Variants in ALK observed in about 807,000 individuals in gnomAD.
ALK encodes the protein ALK tyrosine kinase receptor.
Under a neutral mutation model 163.1 loss-of-function variants are expected in ALK, and 74 were observed. The observed-to-expected ratio is 0.45, with a 90% CI of 0.38 to 0.55. The LOEUF (loss-of-function observed/expected upper bound fraction) is 0.55, where lower values mean the gene tolerates loss of function less well. ALK is among the 20% of genes least tolerant of loss of function. ALK has a pLI of 0.00. For synonymous variants in ALK, 960 were observed against 843.2 expected (o/e 1.14, Z -2.40); for missense variants, 2,063 against 2,105.3 (o/e 0.98, Z 0.39).
Position 29,920,309 on chromosome 2 carries a change from C to A in ALK, c.351G>T (p.Pro117=), listed in dbSNP as rs1049747209. The A allele has an allele frequency of 5.8e-6, 9 of 1,559,680 alleles. No individual in the cohort carries two copies. The highest frequency in any genetic ancestry group is 1.2e-5 in the South Asian group (1 of 85,646). Residue 117 remains proline, a synonymous_variant, in exon 1 of 29, where the codon CCG becomes CCT. Coordinates refer to ENST00000389048, the MANE Select transcript of ALK (RefSeq NM_004304.5). The stretch of plus-strand genomic sequence containing the variant: ...CCCTGGACAGCGTCCGGGCCTCTGC[C>A]GGGGCTGGTGAACCGGCGGTCCAGG... ...GVSWTAGSPA[P]AEARTLSRVL... is the part of the protein sequence containing the mutation.
chr2:29,212,513 G>A (rs1669492299), intron 24 of ALK, among the ~76,000 whole-genome samples: 1 of 152,200 alleles, frequency 6.6e-6, no homozygotes, highest in Non-Finnish European at 1.5e-5. Flanking sequence ...AGGGTTAGAA[G>A]CTGGAGGGAG....
At chr2:29,674,597 T>C (rs1270858908) in intron 3 of ALK, among the ~76,000 whole-genome samples, 1 of 151,416 alleles carries the variant, frequency 6.6e-6, no homozygotes. Context: ...TTGAGGATTT[T>C]TGCATCAATG....
At chr2:29,830,256 A>G (rs1349909824) in intron 1 of ALK, among the ~76,000 whole-genome samples, 1 of 152,238 alleles carries the variant, frequency 6.6e-6, no homozygotes, top group Non-Finnish European at 1.5e-5. Context: ...TTCCAATTGA[A>G]TTAATCATTG....
chr2:29,885,387 A>G (rs1039579981), intron 1 of ALK, among the ~76,000 whole-genome samples: 1 of 152,166 alleles, frequency 6.6e-6, no homozygotes, highest in Non-Finnish European at 1.5e-5. Context: ...GAACATCACG[A>G]AAGTCTGAAA....
intron 1 of ALK, among the ~76,000 whole-genome samples, chr2:29,753,455 T>A (rs1680430759): frequency 6.6e-6 from 1 of 152,186 alleles, no homozygotes; most frequent in Non-Finnish European, 1.5e-5. Context: ...CTTGATTGCC[T>A]GGCTTCCCCC....
chr2:29,717,137 A>C (rs1222972503), intron 2 of ALK, among the ~76,000 whole-genome samples: 2 of 138,404 alleles, frequency 1.4e-5, no homozygotes, highest in African/African-American at 5.3e-5. Flanking sequence ...GTGCCACTGC[A>C]CTCCAGCCTG....
intron 7 of ALK, among the ~76,000 whole-genome samples, chr2:29,318,676 C>A (rs1666910991): frequency 6.6e-6 from 1 of 151,874 alleles, no homozygotes; most frequent in South Asian, 2.1e-4. Context: ...ATGCCATTCT[C>A]CTGCCTCAGC....
intron 1 of ALK, among the ~76,000 whole-genome samples, chr2:29,906,941 T>TTTTTTTG (rs1667565798): frequency 5.8e-4 from 4 of 6,842 alleles, no homozygotes; most frequent in African/African-American, 8.8e-4. Context: ...TTTAAGGTTT[T>TTTTTTTG]TTTTTTTTTT....
intron 2 of ALK, among the ~76,000 whole-genome samples, chr2:29,707,632 T>C (rs974048146): frequency 1.3e-5 from 2 of 152,212 alleles, no homozygotes; most frequent in African/African-American, 4.8e-5. Context: ...AGTATAGTTG[T>C]ATAAATTTTG....
chr2:29,807,340 G>T (rs1664646480), intron 1 of ALK, among the ~76,000 whole-genome samples: 1 of 152,354 alleles, frequency 6.6e-6, no homozygotes, highest in Non-Finnish European at 1.5e-5. Context: ...ATAGCGGTGT[G>T]AGTCTTGTGC....
At chr2:29,371,532 C>A (rs1423050447) in intron 5 of ALK, among the ~76,000 whole-genome samples, 2 of 152,232 alleles carry the variant, frequency 1.3e-5, no homozygotes, top group Non-Finnish European at 2.9e-5. Context: ...CCCCACCTCA[C>A]CCTTCCCCAC....
At chr2:29,609,075 C>T (rs1324908677) in intron 3 of ALK, among the ~76,000 whole-genome samples, 1 of 152,134 alleles carries the variant, frequency 6.6e-6, no homozygotes, top group Non-Finnish European at 1.5e-5. Context: ...AGGCACACAC[C>T]ACCATGCCTG....
chr2:29,642,819 T>G (rs1676743271), intron 3 of ALK, among the ~76,000 whole-genome samples: 1 of 152,202 alleles, frequency 6.6e-6, no homozygotes, highest in Non-Finnish European at 1.5e-5. Flanking sequence ...CATATTTACT[T>G]CTCTACTTGA....
At chr2:29,601,960 G>A (rs1049812760) in intron 3 of ALK, among the ~76,000 whole-genome samples, 1 of 152,020 alleles carries the variant, frequency 6.6e-6, no homozygotes, top group African/African-American at 2.4e-5. Context: ...AGGTGGGGGC[G>A]GGGGACAGGA....
chr2:29,222,577 C>T lies in ALK; in HGVS notation c.3390G>A (p.Val1130=), dbSNP rs1573123747. The part of the protein sequence containing the change: ...RGLGHGAFGE[V]YEGQVSGMPN... ...GCATTCCGGACACCTGGCCTTCATA[C>T]ACCTCCCCAAAGGCGCCATGGCCCA... is the stretch of plus-strand genomic sequence containing the variant. Residue 1130 remains valine, a synonymous_variant, in exon 21 of 29, where the codon GTG becomes GTA. Coordinates refer to ENST00000389048, the MANE Select transcript of ALK (RefSeq NM_004304.5). The T allele has an allele frequency of 1.2e-6, 2 of 1,614,104 alleles. No homozygotes were observed. The highest frequency in any genetic ancestry group is 1.7e-6 in the Non-Finnish European group (2 of 1,180,018).
intron 1 of ALK, among the ~76,000 whole-genome samples, chr2:29,887,928 G>A (rs1005374105): frequency 1.3e-5 from 2 of 152,148 alleles, no homozygotes; most frequent in African/African-American, 4.8e-5. Flanking sequence ...GATTTCACAA[G>A]AGAACCTAAA....
At chr2:29,657,786 G>T (rs112916152) in intron 3 of ALK, among the ~76,000 whole-genome samples, 1 of 152,128 alleles carries the variant, frequency 6.6e-6, no homozygotes, top group Non-Finnish European at 1.5e-5. Flanking sequence ...CTCCAGCTAC[G>T]ATGGGGCTGT....
rs151268013 is a variant in ALK at position 29,885,409 on chromosome 2, T to C, written c.667+34584A>G. ...ACGAAAGTCTGAAAGGATTACACCA[T>C]TGAATATGCCACTGTTGTTATAGAA... On this transcript the variant is annotated intron_variant, in intron 1 of 28. Transcript: ENST00000389048. Among the ~76,000 whole-genome samples the C allele has an allele frequency of 2.5e-3, 388 of 152,274 alleles. 2 individuals are homozygous for C. Among genetic ancestry groups the C allele is most frequent in the African/African-American group, 8.9e-3 (368 of 41,562 alleles).
At chr2:29,542,826 T>G (rs1673448557) in intron 3 of ALK, among the ~76,000 whole-genome samples, 1 of 152,220 alleles carries the variant, frequency 6.6e-6, no homozygotes, top group Non-Finnish European at 1.5e-5. Context: ...TCCGTGGCAT[T>G]TGCTGGCCTC....
Sources: allele counts gnomAD v4.1 joint callset (sites outside exome capture counted in the v4.1 genomes callset), GRCh38; gene constraint gnomAD v4.1.1; transcripts MANE v1.5; gene names NCBI Gene and HGNC (gene_info 2026-07-23, HGNC 2026-07-21).